Variants in ROBO1 observed in about 807,000 individuals in gnomAD.
ROBO1 encodes roundabout guidance receptor 1.
ROBO1 carries 149 observed loss-of-function variants against 195.9 expected under a neutral mutation model. The ratio of observed to expected loss-of-function variants is 0.76; its 90% CI spans 0.67 to 0.87. ROBO1 has a LOEUF of 0.87. Ranked by LOEUF, ROBO1 falls within the 40% of genes least tolerant of loss-of-function variation. The probability of loss-of-function intolerance (pLI) is 0.00; values close to 1 mark genes in which losing one functional copy is unlikely to be tolerated. For missense variants in ROBO1, 1,933 were observed against 2,068.3 expected, an observed-to-expected ratio of 0.93 and a Z score of 1.27; for synonymous variants, 816 against 733.2, an observed-to-expected ratio of 1.11 and a Z score of -1.82.
intron 4 of ROBO1, among the ~76,000 whole-genome samples, chr3:78,902,141 G>T (rs1045592567): frequency 6.6e-6 from 1 of 152,026 alleles, no homozygotes; most frequent in Admixed American, 6.6e-5. Context: ...TATTGTAGGG[G>T]TAAAATATCT....
chr3:78,996,764 G>A (rs763607006), intron 3 of ROBO1, among the ~76,000 whole-genome samples: 6 of 151,974 alleles, frequency 3.9e-5, no homozygotes, highest in Non-Finnish European at 8.8e-5. Context: ...AACGCCATTT[G>A]TTAAACATCT....
At chr3:79,137,216 A>T (rs2080427446) in intron 2 of ROBO1, among the ~76,000 whole-genome samples, 1 of 152,078 alleles carries the variant, frequency 6.6e-6, no homozygotes, top group South Asian at 2.1e-4. Context: ...TTCAAACAAA[A>T]TGTTTAGTGA....
At chr3:79,377,595 G>A (rs766161611) in intron 2 of ROBO1, among the ~76,000 whole-genome samples, 1 of 152,060 alleles carries the variant, frequency 6.6e-6, no homozygotes, top group Non-Finnish European at 1.5e-5. Flanking sequence ...TGTAGTTTTT[G>A]CCTAATATTT....
chr3:78,726,063 C>A (rs1262303923), intron 5 of ROBO1, among the ~76,000 whole-genome samples: 3 of 151,936 alleles, frequency 2.0e-5, no homozygotes, highest in Admixed American at 2.0e-4. Flanking sequence ...ATTACATTAA[C>A]CTAATGTGAC....
chr3:78,768,353 A>G (rs2083280997), intron 4 of ROBO1, among the ~76,000 whole-genome samples: 2 of 151,796 alleles, frequency 1.3e-5, no homozygotes, highest in Admixed American at 1.3e-4. Flanking sequence ...AAAAATTTTA[A>G]TACTTTATGT....
intron 2 of ROBO1, among the ~76,000 whole-genome samples, chr3:79,489,131 A>G (rs7623261): frequency 0.37 from 54,794 of 149,230 alleles, 10,201 homozygotes; most frequent in African/African-American, 0.45. Context: ...TATATAAAAC[A>G]TGTGGTAAGA....
chr3:79,599,163 C>T (rs1307945693), intron 1 of ROBO1, among the ~76,000 whole-genome samples: 1 of 151,964 alleles, frequency 6.6e-6, no homozygotes, highest in Non-Finnish European at 1.5e-5. Context: ...TATAAGATGG[C>T]TTTTATAACC....
intron 1 of ROBO1, among the ~76,000 whole-genome samples, chr3:79,670,075 C>A (rs73849484): frequency 0.012 from 1,772 of 151,778 alleles, 31 homozygotes; most frequent in African/African-American, 0.041. Context: ...AGTAAGCAAG[C>A]AAATTTTGGA....
intron 26 of ROBO1, among the ~76,000 whole-genome samples, chr3:78,619,942 C>T (rs1432590515): frequency 3.3e-5 from 5 of 150,076 alleles, no homozygotes; most frequent in Admixed American, 6.7e-5. Flanking sequence ...CACTTGAACC[C>T]GAGAGGCAGG....
intron 8 of ROBO1, among the ~76,000 whole-genome samples, chr3:78,703,617 GAGA>G (rs753307865): frequency 3.2e-4 from 48 of 152,142 alleles, no homozygotes; most frequent in Non-Finnish European, 5.9e-4. Flanking sequence ...GGATGAGGAG[GAGA>G]AGGAGAAGAA....
At chr3:79,343,597 G>C (rs537819277) in intron 2 of ROBO1, among the ~76,000 whole-genome samples, 1 of 152,302 alleles carries the variant, frequency 6.6e-6, no homozygotes, top group Admixed American at 6.5e-5. Flanking sequence ...TGAGAAGTCT[G>C]CAGTAAACGT....
At chr3:78,935,929 ATAACT>A (rs1430366487) in intron 4 of ROBO1, among the ~76,000 whole-genome samples, 10 of 152,060 alleles carry the variant, frequency 6.6e-5, no homozygotes, top group Admixed American at 6.6e-5. Context: ...ATTGTGTGAG[ATAACT>A]TTAACTGCAT....
chr3:79,008,500 A>G (rs1331281590), intron 3 of ROBO1, among the ~76,000 whole-genome samples: 2 of 151,974 alleles, frequency 1.3e-5, no homozygotes, highest in Non-Finnish European at 2.9e-5. Context: ...TTTATTATGC[A>G]GCACGTACGT....
chr3:78,906,546 T>C (rs1195659209), intron 4 of ROBO1, among the ~76,000 whole-genome samples: 1 of 152,134 alleles, frequency 6.6e-6, no homozygotes, highest in Non-Finnish European at 1.5e-5. Context: ...TTTCTTAAGA[T>C]AAGCAACTCT....
At chr3:79,395,945 T>C (rs2037139311) in intron 2 of ROBO1, among the ~76,000 whole-genome samples, 1 of 152,094 alleles carries the variant, frequency 6.6e-6, no homozygotes, top group Non-Finnish European at 1.5e-5. Context: ...AATATTTTGG[T>C]GTCAGTTTCT....
chr3:79,658,656 G>A (rs1205542827), intron 1 of ROBO1, among the ~76,000 whole-genome samples: 3 of 152,028 alleles, frequency 2.0e-5, no homozygotes, highest in East Asian at 3.9e-4. Context: ...TTCAATACAA[G>A]CATACAATAT....
At chr3:78,820,285 G>C (rs1177904390) in intron 4 of ROBO1, among the ~76,000 whole-genome samples, 1 of 152,134 alleles carries the variant, frequency 6.6e-6, no homozygotes, top group East Asian at 1.9e-4. Context: ...GACATGACTA[G>C]CAATTAATTA....
At chr3:78,962,117 C>G (rs2107840047) in intron 3 of ROBO1, among the ~76,000 whole-genome samples, 1 of 152,192 alleles carries the variant, frequency 6.6e-6, no homozygotes, top group Admixed American at 6.5e-5. Context: ...AAGTTGACAA[C>G]AAATAATCCC....
chr3:79,402,259 C>T (rs1004896499), intron 2 of ROBO1, among the ~76,000 whole-genome samples: 1 of 151,790 alleles, frequency 6.6e-6, no homozygotes, highest in Non-Finnish European at 1.5e-5. Context: ...AATATATTCC[C>T]TAATCTTTTA....
Sources: gnomAD v4.1 joint callset for allele counts (sites outside exome capture counted in the v4.1 genomes callset) on GRCh38, gnomAD v4.1.1 for gene constraint, MANE v1.5 for transcripts, NCBI Gene and HGNC (gene_info 2026-07-23, HGNC 2026-07-21) for gene names.